FAP: variants seen among roughly 807,000 people sequenced by gnomAD.
The protein encoded by FAP is prolyl endopeptidase FAP.
FAP carries 110 observed loss-of-function variants against 126.5 expected under a neutral mutation model. That is an observed-to-expected ratio of 0.87 (90% confidence interval 0.74 to 1.02). The LOEUF is 1.02. Ranked by LOEUF, FAP falls within the 50% of genes least tolerant of loss-of-function variation. FAP has a pLI of 0.00. For missense variants in FAP, 919 were observed against 909.2 expected, an observed-to-expected ratio of 1.01 and a Z score of -0.14; for synonymous variants, 334 against 297.3, an observed-to-expected ratio of 1.12 and a Z score of -1.27.
At chr2:162,203,223 C>A (rs1295753428) in intron 12 of FAP, 78 bp from the exon 13 acceptor site, 6 of 826,986 alleles carry the variant, frequency 7.3e-6, no homozygotes, top group Non-Finnish European at 9.7e-6. Flanking sequence ...TATATAAAAG[C>A]GACGTATGGT....
chr2:162,201,134 G>A (rs1000680765), intron 14 of FAP, among the ~76,000 whole-genome samples: 1 of 152,154 alleles, frequency 6.6e-6, no homozygotes, highest in African/African-American at 2.4e-5. Context: ...TAAGTATCCA[G>A]GTTCTGATTC....
At chr2:162,202,284 A>G (rs1036805896) in intron 14 of FAP, among the ~76,000 whole-genome samples, 4 of 152,268 alleles carry the variant, frequency 2.6e-5, no homozygotes, top group Admixed American at 2.6e-4. Context: ...TCCCATGTTC[A>G]GGTTGATAAT....
At chr2:162,179,284 A>G (rs931305016) in intron 21 of FAP, among the ~76,000 whole-genome samples, 1 of 140,146 alleles carries the variant, frequency 7.1e-6, no homozygotes, top group Non-Finnish European at 1.5e-5. Context: ...TCTAGAGCCT[A>G]TATACACTAT....
rs1167702696 is a variant in FAP, at chr2:162,188,290, C to G, written c.1693G>C (p.Glu565Gln). The change falls in exon 20 of 26, where the codon GAA (glutamate) becomes CAA (glutamine). Residue 565 changes from glutamate (E) to glutamine (Q), a missense_variant. Glu to Gln is a conservative substitution (Grantham distance 29). Transcript: ENST00000188790. The part of the protein sequence containing the change: ...VNWISYLASK[E>Q]GMVIALVDGR... Reference sequence around the variant, plus strand: ...TCCACCAAGGCAATGACCATCCCTTCCTTACTTGCAAGATAAGATATCCAA... The same window carrying G: ...TCCACCAAGGCAATGACCATCCCTTGCTTACTTGCAAGATAAGATATCCAA... 6.2e-7 allele frequency: 1 copy of G among 1,613,372 alleles called. No homozygotes were observed. The highest frequency in any genetic ancestry group is 1.7e-5 in the Admixed American group (1 of 59,928).
intron 6 of FAP, among the ~76,000 whole-genome samples, chr2:162,222,653 A>T (rs965437445): frequency 6.6e-6 from 1 of 152,230 alleles, no homozygotes; most frequent in African/African-American, 2.4e-5. Flanking sequence ...TTCATTGTCC[A>T]CACTTAGCCA....
At chr2:162,191,820 C>T (rs1393102031) in intron 17 of FAP, among the ~76,000 whole-genome samples, 1 of 152,104 alleles carries the variant, frequency 6.6e-6, no homozygotes, top group Non-Finnish European at 1.5e-5. Flanking sequence ...TTCTGGATTC[C>T]CACGGAATCT....
At chr2:162,197,933 G>C (rs1331403200) in intron 16 of FAP, among the ~76,000 whole-genome samples, 1 of 152,140 alleles carries the variant, frequency 6.6e-6, no homozygotes, top group Non-Finnish European at 1.5e-5. Context: ...AGAGATTCCC[G>C]AGTCAGTTTT....
At chr2:162,187,168 A>G (rs1331621252) in intron 20 of FAP, among the ~76,000 whole-genome samples, 1 of 152,054 alleles carries the variant, frequency 6.6e-6, no homozygotes, top group Non-Finnish European at 1.5e-5. Context: ...TTGATTAGAG[A>G]CAAAAATATA....
rs2106302242 is a variant in FAP, at chr2:162,235,937, A to G, written c.91+6971T>C. On this transcript the variant is annotated intron_variant, in intron 2 of 25. Coordinates refer to ENST00000188790, the MANE Select transcript of FAP (RefSeq NM_004460.5). Reference sequence around the variant, plus strand: ...TTAGCTTTCATTAAGTGTGATGTTAACTATGGTTTTTTTTTGTAGGTGTCT... The same window carrying G: ...TTAGCTTTCATTAAGTGTGATGTTAGCTATGGTTTTTTTTTGTAGGTGTCT... 1.3e-5 allele frequency among the ~76,000 whole-genome samples: 2 copies of G among 152,276 alleles called. 1 individual carries two copies. The highest frequency in any genetic ancestry group is 4.1e-4 in the South Asian group (2 of 4,828).
chr2:162,191,308 A>G (rs184935630), intron 17 of FAP, among the ~76,000 whole-genome samples: 6 of 152,232 alleles, frequency 3.9e-5, no homozygotes, highest in Admixed American at 2.6e-4. Flanking sequence ...TTTAATCTAA[A>G]TGCTTTTATG....
chr2:162,241,223 C>T (rs1190058511), intron 2 of FAP, among the ~76,000 whole-genome samples: 2 of 152,156 alleles, frequency 1.3e-5, no homozygotes, highest in African/African-American at 4.8e-5. Flanking sequence ...ATCAAGAAAT[C>T]ACTTTATTCT....
At chr2:162,183,911 C>G (rs1255855418) in intron 20 of FAP, among the ~76,000 whole-genome samples, 1 of 152,142 alleles carries the variant, frequency 6.6e-6, no homozygotes, top group Non-Finnish European at 1.5e-5. Context: ...ATAATCATCA[C>G]TTCATTTTCA....
Position 162,174,873 on chromosome 2 carries a change from AT to A in FAP, c.1962del (p.Glu654AspfsTer29), listed in dbSNP as rs1282286231. ...TTAATGAATGTTTCCATACCGTAAT[AT>A]TCCCAGCTGGAGACTGGAGCCACTG... is the stretch of plus-strand genomic sequence containing the variant. The part of the protein sequence containing the change: ...GIAVAPVSSW[E>X]YYASVYTERF... On this transcript the variant is annotated frameshift_variant, in exon 22 of 26. Coordinates refer to ENST00000188790, the MANE Select transcript of FAP (RefSeq NM_004460.5). LOFTEE classifies it high-confidence loss of function. 1 of 1,606,584 alleles carries A rather than the reference AT, an allele frequency of 6.2e-7. No homozygotes were observed. The highest frequency in any genetic ancestry group is 2.2e-5 in the East Asian group (1 of 44,792).
intron 12 of FAP, among the ~76,000 whole-genome samples, chr2:162,208,761 T>TA (rs1470427668): frequency 1.3e-5 from 2 of 151,744 alleles, no homozygotes; most frequent in African/African-American, 4.8e-5. Flanking sequence ...TTTCACTGAA[T>TA]ACTACTACTC....
chr2:162,180,720 C>G (rs186964818), intron 21 of FAP, among the ~76,000 whole-genome samples: 1 of 152,108 alleles, frequency 6.6e-6, no homozygotes, highest in Non-Finnish European at 1.5e-5. Context: ...TGTGGAGAAG[C>G]CTTAATGAAG....
At chr2:162,218,231 ATAAT>A (rs1689233451) in intron 8 of FAP, 91 bp from the exon 9 acceptor site, 3 of 872,398 alleles carry the variant, frequency 3.4e-6, no homozygotes, top group South Asian at 2.2e-5. Flanking sequence ...ATCAACTGAA[ATAAT>A]TTATTTAATG....
At chr2:162,233,718 T>G (rs531276372) in intron 2 of FAP, among the ~76,000 whole-genome samples, 1 of 152,300 alleles carries the variant, frequency 6.6e-6, no homozygotes, top group South Asian at 2.1e-4. Flanking sequence ...AATGTTAAAT[T>G]TTGATGAAGT....
chr2:162,213,404 C>CA (rs535092821), intron 11 of FAP, among the ~76,000 whole-genome samples: 2,141 of 146,420 alleles, frequency 0.015, 49 homozygotes, highest in African/African-American at 0.051. Flanking sequence ...AAAAAACAAA[C>CA]AAAAAAAACA....
At chr2:162,225,695 A>G (rs1043771372) in intron 3 of FAP, 118 bp from the exon 4 acceptor site, 2 of 1,004,806 alleles carry the variant, frequency 2.0e-6, no homozygotes, top group African/African-American at 3.4e-5. Flanking sequence ...TGTCCAGTAC[A>G]TATTGCTTTG....
Sources: gnomAD v4.1 joint callset for allele counts (sites outside exome capture counted in the v4.1 genomes callset) on GRCh38, gnomAD v4.1.1 for gene constraint, MANE v1.5 for transcripts, NCBI Gene and HGNC (gene_info 2026-07-23, HGNC 2026-07-21) for gene names.